Variants in SBF1 observed in about 807,000 individuals in gnomAD.
SBF1 encodes SET binding factor 1.
SBF1 carries 65 observed loss-of-function variants against 215.8 expected under a neutral mutation model. That is an observed-to-expected ratio of 0.30 (90% CI 0.25 to 0.37). The LOEUF (loss-of-function observed/expected upper bound fraction) is 0.37. Ranked by LOEUF, SBF1 falls within the 10% of genes least tolerant of loss-of-function variation. The pLI is 1.00. For synonymous variants in SBF1, 1,410 were observed against 1,122.8 expected (o/e 1.26, Z -5.11); for missense variants, 2,634 against 2,667.8 (o/e 0.99, Z 0.28).
At position 50,460,030 on chromosome 22, in the gene SBF1, A is replaced by G. The variant is rs762397958; in HGVS notation, c.3413T>C (p.Leu1138Pro). Residue 1138 changes from leucine (L) to proline (P), a missense_variant, in exon 26 of 41, where the codon CTG becomes CCG. Coordinates refer to ENST00000380817, the MANE Select transcript of SBF1 (RefSeq NM_002972.4). Reference sequence around the variant, plus strand: ...CTTGGCCCGGCTCAGGCTGCTGCTCAGGGTGCCCAGACCGAGGCGCTGGTA... The same window carrying G: ...CTTGGCCCGGCTCAGGCTGCTGCTCGGGGTGCCCAGACCGAGGCGCTGGTA... ...RDYQRLGLGTLSSSLSRAKSE... is the reference protein window; with the variant it reads ...RDYQRLGLGTPSSSLSRAKSE... The G allele has an allele frequency of 1.2e-6, 2 of 1,613,984 alleles. No individual in the cohort carries two copies. The highest frequency in any genetic ancestry group is 1.7e-6 in the Non-Finnish European group (2 of 1,179,964).
intron 26 of SBF1, 129 bp from the exon 27 acceptor site, chr22:50,459,795 C>A (rs962281855): frequency 2.5e-5 from 33 of 1,307,806 alleles, no homozygotes; most frequent in Non-Finnish European, 3.3e-5. Context: ...CCACGGGGCC[C>A]CCCAGCCACC....
At chr22:50,469,309 G>A (rs1237409468) in intron 1 of SBF1, among the ~76,000 whole-genome samples, 2 of 152,230 alleles carry the variant, frequency 1.3e-5, no homozygotes, top group African/African-American at 4.8e-5. Flanking sequence ...TGGGCCAGGA[G>A]GAGGGCTTTC....
At chr22:50,472,566 C>T (rs2068034482) in intron 1 of SBF1, among the ~76,000 whole-genome samples, 1 of 152,206 alleles carries the variant, frequency 6.6e-6, no homozygotes, top group Non-Finnish European at 1.5e-5. Context: ...TACTGCTTCA[C>T]ACCTGTGCAT....
Position 50,474,980 on chromosome 22 carries a change from G to A in SBF1, c.-140C>T, listed in dbSNP as rs947809338. ...TGGTTCGCTCCGCGGCGGCGGCGGC[G>A]GCGGCGGCGGCGGCCCAGGTTCCCG... On this transcript the variant is annotated 5_prime_UTR_variant, in exon 1 of 41. Coordinates refer to ENST00000380817, the MANE Select transcript of SBF1 (RefSeq NM_002972.4). The A allele has an allele frequency of 3.9e-5, 14 of 354,756 alleles. No individual in the cohort carries two copies. Among genetic ancestry groups the A allele is most frequent in the Non-Finnish European group, 5.8e-5 (14 of 242,370 alleles). The allele number at this position is 354,756 out of a possible 1,614,324, so 22.0% of individuals were successfully genotyped here.
Position 50,467,767 on chromosome 22 carries a change from C to A in SBF1, c.279+19G>T. The A allele has an allele frequency of 2.5e-6, 4 of 1,613,548 alleles. No homozygotes were observed. The highest frequency in any genetic ancestry group is 3.4e-6 in the Non-Finnish European group (4 of 1,179,876). ...GGATGCAGCTTCATTCATGCTGTAC[C>A]CAGAGGCCCCAAGCTGACCTGTGAA... On this transcript the variant is annotated intron_variant, in intron 3 of 40. Coordinates refer to ENST00000380817, the MANE Select transcript of SBF1 (RefSeq NM_002972.4).
chr22:50,456,470 C>G lies in SBF1; in HGVS notation c.4086+22G>C, dbSNP rs767469629. Reference sequence around the variant, plus strand: ...CCTGCCGAGCCCCCACCCTCACCCCCCACCCCCCGCACCCCAGTCACCTTG... The same window carrying G: ...CCTGCCGAGCCCCCACCCTCACCCCGCACCCCCCGCACCCCAGTCACCTTG... On this transcript the variant is annotated intron_variant, in intron 30 of 40. Coordinates refer to ENST00000380817, the MANE Select transcript of SBF1 (RefSeq NM_002972.4). 5.3e-6 allele frequency: 8 copies of G among 1,507,922 alleles called. No homozygotes were observed. The African/African-American group carries it at 7.0e-5, about 13-fold the overall frequency. The allele number at this position is 1,507,922 out of a possible 1,614,324, so 93.4% of individuals were successfully genotyped here. A position where few individuals can be genotyped will look rare whatever the true frequency, so the allele number is the denominator to read the frequency against.
intron 2 of SBF1, 113 bp downstream of exon 2, chr22:50,468,263 A>T (rs1168525020): frequency 1.9e-6 from 2 of 1,029,218 alleles, no homozygotes; most frequent in Admixed American, 4.5e-5. Flanking sequence ...TCTTGTCCCT[A>T]GCCCAGCGGG....
chr22:50,460,463 A>G (rs1828125964), intron 24 of SBF1, 55 bp from the exon 25 acceptor site: 3 of 1,604,854 alleles, frequency 1.9e-6, no homozygotes, highest in Non-Finnish European at 2.6e-6. Flanking sequence ...AGATGAGCAC[A>G]GGGGCCTAGG....
Position 50,466,704 on chromosome 22 carries a change from T to C in SBF1, c.556A>G (p.Ile186Val), listed in dbSNP as rs2148602570. 6.5e-7 allele frequency: 1 copy of C among 1,533,742 alleles called. No individual in the cohort carries two copies. ...TGCCGGTCACCAGCCCCCAAAGAGA[T>C]CGTCCTCTGCAGCAAAAAAAGGATC... ...VPLAGGSQRT[I>V]SLGAGDRQVI... Residue 186 changes from isoleucine to valine, a missense_variant, in exon 6 of 41, where the codon ATC becomes GTC. By Grantham distance (29) the Ile-to-Val change is conservative. Coordinates refer to ENST00000380817, the MANE Select transcript of SBF1 (RefSeq NM_002972.4).
intron 10 of SBF1, 101 bp downstream of exon 10, chr22:50,465,662 G>T: frequency 1.8e-6 from 2 of 1,136,788 alleles, no homozygotes; most frequent in Non-Finnish European, 2.5e-6. Context: ...TGGAGCCGGG[G>T]CCAGCCTGGG....
intron 36 of SBF1, among the ~76,000 whole-genome samples, chr22:50,449,905 C>T (rs1378174129): frequency 6.6e-6 from 1 of 152,184 alleles, no homozygotes; most frequent in Non-Finnish European, 1.5e-5. Context: ...GTCAGACAAG[C>T]AGTGCAGCTT....
chr22:50,456,067 G>A, intron 31 of SBF1, 149 bp downstream of exon 31: 1 of 840,646 alleles, frequency 1.2e-6, no homozygotes, highest in Non-Finnish European at 1.8e-6. Context: ...TGCCTTCTAG[G>A]CACCAGAGCC....
rs752489566 is a variant in SBF1, at chr22:50,456,632, G to T, written c.3946C>A (p.Leu1316Ile). 512 of 1,510,866 alleles carry T rather than the reference G, an allele frequency of 3.4e-4. No homozygotes were observed. The highest frequency in any genetic ancestry group is 4.3e-4 in the Non-Finnish European group (489 of 1,131,392). The allele number at this position is 1,510,866 out of a possible 1,614,324, so 93.6% of individuals were successfully genotyped here. ...SVRTSGRSSG[L>I]GTDVGSRLAG... The stretch of plus-strand genomic sequence containing the variant: ...AGCCGGGAGCCCACATCGGTGCCAA[G>T]GCCACTGCTGCGTCCACTGGTCCGG... Residue 1316 changes from leucine (L) to isoleucine (I), a missense_variant, in exon 30 of 41, where the codon CTT becomes ATT. Leu to Ile is a conservative substitution (Grantham distance 5). Transcript: ENST00000380817.
chr22:50,448,991 A>G (rs944876904), intron 36 of SBF1, among the ~76,000 whole-genome samples: 1 of 151,848 alleles, frequency 6.6e-6, no homozygotes, highest in Non-Finnish European at 1.5e-5. Flanking sequence ...TGAGGTCAGG[A>G]GTTTGAGACC....
At chr22:50,470,841 C>T in intron 1 of SBF1, among the ~76,000 whole-genome samples, 1 of 152,210 alleles carries the variant, frequency 6.6e-6, no homozygotes, top group East Asian at 1.9e-4. Flanking sequence ...ACAGCTGGCC[C>T]CTGGAAAGGC....
At chr22:50,456,937 T>G in intron 29 of SBF1, 97 bp downstream of exon 29, 1 of 1,043,564 alleles carries the variant, frequency 9.6e-7, no homozygotes, top group Non-Finnish European at 1.3e-6. Context: ...GTGTCAGGTG[T>G]GGAGGGAGAC....
intron 28 of SBF1, 185 bp from the exon 29 acceptor site, chr22:50,457,296 G>C: frequency 2.1e-6 from 1 of 480,062 alleles, no homozygotes; most frequent in Non-Finnish European, 3.6e-6. Flanking sequence ...CTCTCTGCCA[G>C]GGCAGGGCAG....
chr22:50,471,070 C>T (rs1235997304), intron 1 of SBF1, among the ~76,000 whole-genome samples: 1 of 152,224 alleles, frequency 6.6e-6, no homozygotes, highest in Non-Finnish European at 1.5e-5. Flanking sequence ...CCTTGCCCAT[C>T]AGAGTGCTGC....
chr22:50,470,173 A>G (rs2067946976), intron 1 of SBF1, among the ~76,000 whole-genome samples: 1 of 134,652 alleles, frequency 7.4e-6, no homozygotes, highest in Admixed American at 7.5e-5. Context: ...GTTTGGCCCC[A>G]AACCACCATC....
Sources: gnomAD v4.1 joint callset for allele counts (sites outside exome capture counted in the v4.1 genomes callset) on GRCh38, gnomAD v4.1.1 for gene constraint, MANE v1.5 for transcripts, NCBI Gene and HGNC (gene_info 2026-07-23, HGNC 2026-07-21) for gene names.